Variants in PCDHA3 observed in about 807,000 individuals in gnomAD.
PCDHA3 encodes protocadherin alpha-3.
A neutral mutation model predicts 62.2 loss-of-function variants in PCDHA3; 41 were observed. That is an observed-to-expected ratio of 0.66 (90% CI 0.51 to 0.86). PCDHA3 has a LOEUF of 0.86. Among genes scored for constraint, PCDHA3 ranks in the 40% least tolerant of loss-of-function variants. The pLI is 0.00. For missense variants in PCDHA3, 1,304 were observed against 1,241.2 expected (o/e 1.05, Z -0.76); for synonymous variants, 640 against 555.4 (o/e 1.15, Z -2.14).
intron 3 of PCDHA3, among the ~76,000 whole-genome samples, chr5:141,000,877 C>T (rs2097970762): frequency 6.6e-6 from 1 of 151,952 alleles, no homozygotes; most frequent in Non-Finnish European, 1.5e-5. Context: ...CATTGTACTC[C>T]AACCTGGGCA....
chr5:140,987,747 T>G (rs1336636332), intron 3 of PCDHA3, among the ~76,000 whole-genome samples: 1 of 152,178 alleles, frequency 6.6e-6, no homozygotes. Context: ...TAGACCCAGG[T>G]TGTTCTGAGT....
At chr5:140,980,113 C>T (rs2096877031) in intron 2 of PCDHA3, among the ~76,000 whole-genome samples, 1 of 152,096 alleles carries the variant, frequency 6.6e-6, no homozygotes, top group African/African-American at 2.4e-5. Context: ...ACATTGGAAC[C>T]TGGGTCATAA....
intron 1 of PCDHA3, among the ~76,000 whole-genome samples, chr5:140,924,235 G>C (rs1320085802): frequency 6.6e-6 from 1 of 152,208 alleles, no homozygotes; most frequent in Non-Finnish European, 1.5e-5. Flanking sequence ...TTTATGGGCT[G>C]TTTTGCATCC....
intron 1 of PCDHA3, chr5:140,968,800 A>G: frequency 6.2e-7 from 1 of 1,614,238 alleles, no homozygotes; most frequent in Non-Finnish European, 8.5e-7. Context: ...CCATTACAGT[A>G]GCTGTGGTGG....
At chr5:140,829,846 G>C in intron 1 of PCDHA3, 1 of 1,613,940 alleles carries the variant, frequency 6.2e-7, no homozygotes. Flanking sequence ...CGCGGTCACT[G>C]GGTGCAGGCC....
intron 1 of PCDHA3, among the ~76,000 whole-genome samples, chr5:140,946,207 A>G (rs1435472095): frequency 2.0e-5 from 3 of 152,068 alleles, no homozygotes; most frequent in Non-Finnish European, 4.4e-5. Flanking sequence ...AAAGCACACA[A>G]ATGACCAACA....
chr5:140,962,595 A>G (rs1307695991), intron 1 of PCDHA3, among the ~76,000 whole-genome samples: 1 of 152,192 alleles, frequency 6.6e-6, no homozygotes, highest in Non-Finnish European at 1.5e-5. Flanking sequence ...TTTGACTGAT[A>G]TATTTCTTCT....
At position 140,918,978 on chromosome 5, in the gene PCDHA3, G is replaced by C. The variant is rs1363137172; in HGVS notation, c.2395-59971G>C. On this transcript the variant is annotated intron_variant, in intron 1 of 3. Transcript: ENST00000522353. Reference sequence around the variant, plus strand: ...ACTAAGACAGATATCGTTTAGGTTAGTTGGTTTTTAGTGTTGTTCACATCT... The same window carrying C: ...ACTAAGACAGATATCGTTTAGGTTACTTGGTTTTTAGTGTTGTTCACATCT... Among the ~76,000 whole-genome samples, 5 of 152,204 alleles carry C rather than the reference G, an allele frequency of 3.3e-5. No homozygotes were observed. In the South Asian group the frequency reaches 8.3e-4, roughly 25 times the overall value.
chr5:140,834,408 C>T, intron 1 of PCDHA3: 1 of 1,610,114 alleles, frequency 6.2e-7, no homozygotes, highest in Non-Finnish European at 8.5e-7. Flanking sequence ...TGGATACGAC[C>T]CAGGGGGCCG....
chr5:140,869,200 T>C, intron 1 of PCDHA3: 1 of 1,614,000 alleles, frequency 6.2e-7, no homozygotes, highest in East Asian at 2.2e-5. Flanking sequence ...CCAGCTCCAC[T>C]ACTCCGTCTC....
At chr5:140,998,850 A>T (rs904977478) in intron 3 of PCDHA3, among the ~76,000 whole-genome samples, 1 of 152,234 alleles carries the variant, frequency 6.6e-6, no homozygotes, top group African/African-American at 2.4e-5. Context: ...GGTGTGAGCC[A>T]CATGCCTGGC....
In PCDHA3 at chr5:140,801,481, T is replaced by C. The variant is rs782568249; in HGVS notation, c.284T>C (p.Leu95Pro). ...FVNSRIDREELCGRSAECSIH... is the reference protein window; with the variant it reads ...FVNSRIDREEPCGRSAECSIH... ...AATTCTCGGATAGACCGCGAGGAAC[T>C]GTGCGGGCGGAGCGCGGAGTGCAGC... The change falls in exon 1 of 4, where the codon CTG (leucine) becomes CCG (proline). Residue 95 changes from leucine to proline, a missense_variant. By Grantham distance (98) the Leu-to-Pro change is moderately conservative. Transcript: ENST00000522353. 1 of 1,614,008 alleles carries C rather than the reference T, an allele frequency of 6.2e-7. No homozygotes were observed. Among genetic ancestry groups the C allele is most frequent in the Non-Finnish European group, 8.5e-7 (1 of 1,180,060 alleles).
chr5:140,883,421 G>A (rs1398671591), intron 1 of PCDHA3: 1 of 1,614,022 alleles, frequency 6.2e-7, no homozygotes, highest in Non-Finnish European at 8.5e-7. Flanking sequence ...AAATGGACAG[G>A]TCACCTGCAC....
At chr5:140,913,166 GTTC>G (rs1273182839) in intron 1 of PCDHA3, among the ~76,000 whole-genome samples, 1 of 152,160 alleles carries the variant, frequency 6.6e-6, no homozygotes, top group Non-Finnish European at 1.5e-5. Flanking sequence ...ATTGGTATTA[GTTC>G]TTCTTTAAAT....
chr5:140,973,126 T>C (rs1554234908), intron 1 of PCDHA3, among the ~76,000 whole-genome samples: 1 of 152,144 alleles, frequency 6.6e-6, no homozygotes, highest in Non-Finnish European at 1.5e-5. Flanking sequence ...ATGAATTAAG[T>C]TTGCATTCAC....
intron 1 of PCDHA3, chr5:140,864,371 G>A (rs1005201982): frequency 6.6e-5 from 10 of 152,044 alleles, no homozygotes; most frequent in South Asian, 6.2e-4. Context: ...TTCTATAATC[G>A]ATAAGTTTAT....
intron 1 of PCDHA3, among the ~76,000 whole-genome samples, chr5:140,973,394 A>C (rs1263015635): frequency 6.6e-6 from 1 of 152,244 alleles, no homozygotes; most frequent in African/African-American, 2.4e-5. Flanking sequence ...CAAAGAAATC[A>C]TATCTATGAG....
intron 1 of PCDHA3, chr5:140,822,167 G>C (rs1554128482): frequency 6.2e-7 from 1 of 1,614,252 alleles, no homozygotes; most frequent in Non-Finnish European, 8.5e-7. Context: ...AATCCGCCCA[G>C]GTTCTCCAGA....
At chr5:140,840,225 A>G (rs1261642002) in intron 1 of PCDHA3, among the ~76,000 whole-genome samples, 2 of 152,034 alleles carry the variant, frequency 1.3e-5, no homozygotes, top group Non-Finnish European at 2.9e-5. Flanking sequence ...CATATGAGTA[A>G]ATGTGGAGAA....
Sources: gnomAD v4.1 joint callset for allele counts (sites outside exome capture counted in the v4.1 genomes callset) on GRCh38, gnomAD v4.1.1 for gene constraint, MANE v1.5 for transcripts, NCBI Gene and HGNC (gene_info 2026-07-23, HGNC 2026-07-21) for gene names.